Variants in FTCDNL1 observed in about 807,000 individuals in gnomAD.
The protein encoded by FTCDNL1 is formiminotransferase N-terminal subdomain-containing protein.
In FTCDNL1, 11 loss-of-function variants were observed where a neutral mutation model predicts 5.9. The observed-to-expected ratio is 1.87, with a 90% CI of 1.18 to 3.10. The LOEUF is 3.10. FTCDNL1 is among the 30% of genes most tolerant of loss of function. The pLI is 0.00. For missense variants in FTCDNL1, 115 were observed against 65.5 expected, an observed-to-expected ratio of 1.76 and a Z score of -2.61; for synonymous variants, 58 against 24.8, an observed-to-expected ratio of 2.34 and a Z score of -3.99.
At chr2:199,667,116 T>G in the FTCDNL1 span, among the ~76,000 whole-genome samples, 1 of 152,110 alleles carries the variant, frequency 6.6e-6, no homozygotes, top group Admixed American at 6.5e-5. Context: ...GAGGCTTTTT[T>G]CTATGTAAAA....
chr2:199,824,541 A>G (rs1024759665), intron 3 of FTCDNL1, among the ~76,000 whole-genome samples: 3 of 152,230 alleles, frequency 2.0e-5, no homozygotes, highest in African/African-American at 4.8e-5. Context: ...CTATTGACCT[A>G]TCTCAGCTTT....
chr2:199,738,535 T>C, the FTCDNL1 span, among the ~76,000 whole-genome samples: 1 of 152,226 alleles, frequency 6.6e-6, no homozygotes, highest in Non-Finnish European at 1.5e-5. Context: ...TTGCTTTTTT[T>C]TTCCCCCTTG....
the FTCDNL1 span, among the ~76,000 whole-genome samples, chr2:199,746,094 ATAAT>A: frequency 0.038 from 5,822 of 152,310 alleles, 154 homozygotes; most frequent in Non-Finnish European, 0.056. Context: ...GTGTTTGAAG[ATAAT>A]TTATTTTTTT....
intron 3 of FTCDNL1, among the ~76,000 whole-genome samples, chr2:199,838,763 G>T (rs568838785): frequency 6.6e-6 from 1 of 152,284 alleles, no homozygotes; most frequent in East Asian, 1.9e-4. Flanking sequence ...GGTAGAATAT[G>T]TAAGAGGTAA....
At chr2:199,758,315 CAAAT>C (rs144655730), downstream of FTCDNL1, among the ~76,000 whole-genome samples, 906 of 151,756 alleles carry the variant, frequency 6.0e-3, 7 homozygotes, top group African/African-American at 0.02. Context: ...AGAAAACAAA[CAAAT>C]AACTTATTTT....
chr2:199,827,558 TA>T (rs1702113022), intron 3 of FTCDNL1, among the ~76,000 whole-genome samples: 1 of 152,140 alleles, frequency 6.6e-6, no homozygotes, highest in African/African-American at 2.4e-5. Context: ...AGATGTATAT[TA>T]ATTATGAAGG....
Position 199,809,299 on chromosome 2 carries a change from C to T in FTCDNL1, c.*3406G>A, listed in dbSNP as rs576264435. Among the ~76,000 whole-genome samples the T allele has an allele frequency of 6.6e-6, 1 of 150,554 alleles. No homozygotes were observed. Among genetic ancestry groups the T allele is most frequent in the Non-Finnish European group, 1.5e-5 (1 of 67,866 alleles). On this transcript the variant is annotated 3_prime_UTR_variant, in exon 5 of 5. Coordinates refer to ENST00000420128, the MANE Select transcript of FTCDNL1 (RefSeq NM_001363886.2). The stretch of plus-strand genomic sequence containing the variant: ...ATAGAGATAGTCTCACTACATTGAC[C>T]AAGCTGGTCTCAAACTCCTGGGTTC...
At chr2:199,738,418 T>G in the FTCDNL1 span, among the ~76,000 whole-genome samples, 1 of 152,208 alleles carries the variant, frequency 6.6e-6, no homozygotes, top group Non-Finnish European at 1.5e-5. Flanking sequence ...TTTACATAGA[T>G]TTTATTATTA....
the FTCDNL1 span, among the ~76,000 whole-genome samples, chr2:199,735,767 G>T: frequency 6.6e-6 from 1 of 152,118 alleles, no homozygotes; most frequent in Non-Finnish European, 1.5e-5. Context: ...CAGTGCTCTT[G>T]TCTGCCATAT....
intron 4 of FTCDNL1, among the ~76,000 whole-genome samples, chr2:199,817,865 A>G (rs1701447451): frequency 6.6e-6 from 1 of 152,208 alleles, no homozygotes; most frequent in Non-Finnish European, 1.5e-5. Flanking sequence ...AACCACAGGC[A>G]GGTGATAGAT....
chr2:199,754,730 T>TG, the FTCDNL1 span, among the ~76,000 whole-genome samples: 1 of 152,132 alleles, frequency 6.6e-6, no homozygotes, highest in Non-Finnish European at 1.5e-5. Context: ...GTTCACAGAT[T>TG]GGGGGCTTCG....
chr2:199,674,573 A>G, the FTCDNL1 span, among the ~76,000 whole-genome samples: 1 of 152,208 alleles, frequency 6.6e-6, no homozygotes, highest in Non-Finnish European at 1.5e-5. Context: ...GTTTCTGGCC[A>G]CTTTCAGTGG....
the FTCDNL1 span, among the ~76,000 whole-genome samples, chr2:199,711,347 T>A: frequency 8.0e-6 from 1 of 124,412 alleles, no homozygotes; most frequent in South Asian, 2.9e-4. Flanking sequence ...AGAAGGTGAC[T>A]ATCTAATGGG....
the FTCDNL1 span, among the ~76,000 whole-genome samples, chr2:199,743,577 G>A: frequency 6.6e-6 from 1 of 151,884 alleles, no homozygotes; most frequent in Non-Finnish European, 1.5e-5. Context: ...TGACTTGCAG[G>A]CAAAGGCAGC....
At chr2:199,829,054 C>G (rs1447746066) in intron 3 of FTCDNL1, among the ~76,000 whole-genome samples, 1 of 152,172 alleles carries the variant, frequency 6.6e-6, no homozygotes, top group Non-Finnish European at 1.5e-5. Flanking sequence ...CCATGCTGAT[C>G]AGCTTTGTTA....
At chr2:199,667,475 A>AC in the FTCDNL1 span, among the ~76,000 whole-genome samples, 1 of 99,814 alleles carries the variant, frequency 1.0e-5, no homozygotes, top group East Asian at 3.2e-4. Context: ...CGTCTCTACA[A>AC]AAAACAAACA....
the FTCDNL1 span, among the ~76,000 whole-genome samples, chr2:199,716,433 T>G: frequency 6.6e-6 from 1 of 152,186 alleles, no homozygotes; most frequent in Non-Finnish European, 1.5e-5. Context: ...TTGGATGACA[T>G]TTTCCAAAGC....
chr2:199,820,494 C>T (rs1701616300), intron 3 of FTCDNL1, among the ~76,000 whole-genome samples: 1 of 152,070 alleles, frequency 6.6e-6, no homozygotes, highest in Admixed American at 6.6e-5. Context: ...TTTAGTTGCA[C>T]TTGTCACATT....
At chr2:199,802,168 A>G (rs901303474) in intron 3 of FTCDNL1, among the ~76,000 whole-genome samples, 1 of 150,894 alleles carries the variant, frequency 6.6e-6, no homozygotes, top group African/African-American at 2.4e-5. Context: ...ACTTGTGTAC[A>G]TTTTTCGAAA....
Sources: gnomAD v4.1 joint callset for allele counts (sites outside exome capture counted in the v4.1 genomes callset) on GRCh38, gnomAD v4.1.1 for gene constraint, MANE v1.5 for transcripts, NCBI Gene and HGNC (gene_info 2026-07-23, HGNC 2026-07-21) for gene names.